Variants in HS1BP3 observed in about 807,000 individuals in gnomAD.
The protein encoded by HS1BP3 is HCLS1-binding protein 3.
A neutral mutation model predicts 33.5 loss-of-function variants in HS1BP3; 32 were observed. The ratio of observed to expected loss-of-function variants is 0.95; its 90% CI spans 0.72 to 1.28. The LOEUF (loss-of-function observed/expected upper bound fraction) is 1.28, where lower values mean the gene tolerates loss of function less well. Among genes scored for constraint, HS1BP3 ranks in the 50% most tolerant of loss-of-function variants. HS1BP3 has a pLI of 0.00. For missense variants in HS1BP3, 486 were observed against 502.3 expected (o/e 0.97, Z 0.31); for synonymous variants, 187 against 209.2 (o/e 0.89, Z 0.92).
intron 3 of HS1BP3, among the ~76,000 whole-genome samples, chr2:20,593,440 C>A (rs114790324): frequency 0.028 from 4,256 of 152,260 alleles, 195 homozygotes; most frequent in African/African-American, 0.098. Context: ...TTGACCTTGG[C>A]TGAATGAATG....
chr2:20,618,632 C>T lies in HS1BP3; in HGVS notation c.*355G>A, dbSNP rs143995184. 980 of 1,013,542 alleles carry T rather than the reference C, an allele frequency of 9.7e-4. 4 individuals carry two copies. In the African/African-American group the frequency reaches 0.015, roughly 15 times the overall value. The allele number at this position is 1,013,542 out of a possible 1,614,324, so 62.8% of individuals were successfully genotyped here. ...GGCAGAACCCGTGGGCATGAAGCTTCCCTGCCCCATGTGACACCTCGCTAC... is the reference window on the plus strand; with the variant it reads ...GGCAGAACCCGTGGGCATGAAGCTTTCCTGCCCCATGTGACACCTCGCTAC... On this transcript the variant is annotated 3_prime_UTR_variant, in exon 7 of 7. Coordinates refer to ENST00000304031, the MANE Select transcript of HS1BP3 (RefSeq NM_022460.4).
chr2:20,553,880 C>G, the HS1BP3 span, among the ~76,000 whole-genome samples: 2 of 152,116 alleles, frequency 1.3e-5, no homozygotes, highest in Admixed American at 1.3e-4. Context: ...GAGATCTTAC[C>G]TTTTGTGCAA....
intron 5 of HS1BP3, among the ~76,000 whole-genome samples, chr2:20,569,516 G>A: frequency 6.6e-6 from 1 of 152,166 alleles, no homozygotes; most frequent in Admixed American, 6.5e-5. Context: ...TTTAGTCTAA[G>A]TATTTCCCAG....
intron 3 of HS1BP3, among the ~76,000 whole-genome samples, chr2:20,595,476 G>A (rs1414814962): frequency 6.6e-6 from 1 of 152,204 alleles, no homozygotes; most frequent in Non-Finnish European, 1.5e-5. Context: ...GAAAGAGGGA[G>A]TTCCCCTGAG....
intron 2 of HS1BP3, among the ~76,000 whole-genome samples, chr2:20,600,552 A>G (rs7586090): frequency 0.95 from 144,184 of 152,256 alleles, 68,650 homozygotes; most frequent in East Asian, 1. Flanking sequence ...TTCAACAGAC[A>G]TTTGCGTAAC....
chr2:20,554,333 A>C, the HS1BP3 span, among the ~76,000 whole-genome samples: 3 of 152,338 alleles, frequency 2.0e-5, no homozygotes, highest in South Asian at 6.2e-4. Context: ...ATAGCCTGAC[A>C]CACGCTCCTA....
chr2:20,614,973 C>T (rs76146635), downstream of HS1BP3, among the ~76,000 whole-genome samples: 1,016 of 152,328 alleles, frequency 6.7e-3, 16 homozygotes, highest in African/African-American at 0.023. Flanking sequence ...TTCTGTGTGT[C>T]GCAGCGCCAG....
At position 20,622,225 on chromosome 2, in the gene HS1BP3, T is replaced by C. The variant is rs1694627596; in HGVS notation, c.920+1671A>G. On this transcript the variant is annotated intron_variant, in intron 6 of 6. Transcript: ENST00000304031. The stretch of plus-strand genomic sequence containing the variant: ...ATTCTTTATTATGAGGAAGTCCAAC[T>C]ACTCCCTGGATAGTCACAGGGCAGA... 2.3e-6 allele frequency: 3 copies of C among 1,298,944 alleles called. No homozygotes were observed. In the South Asian group the frequency reaches 3.7e-5, roughly 16 times the overall value. The allele number at this position is 1,298,944 out of a possible 1,614,324, so 80.5% of individuals were successfully genotyped here. A position where few individuals can be genotyped will look rare whatever the true frequency, so the allele number is the denominator to read the frequency against.
chr2:20,624,908 C>A lies in HS1BP3; in HGVS notation c.624-16G>T, dbSNP rs752001829. The A allele has an allele frequency of 3.1e-6, 5 of 1,613,134 alleles. No homozygotes were observed. The highest frequency in any genetic ancestry group is 4.2e-6 in the Non-Finnish European group (5 of 1,179,928). ...CTTCTTGGAGCTGGAGAATCACAGA[C>A]AAAGCACAAGGTGAGGATTTCCCAC... On this transcript the variant is annotated splice_polypyrimidine_tract_variant and intron_variant, in intron 4 of 6. Transcript: ENST00000304031.
downstream of HS1BP3, among the ~76,000 whole-genome samples, chr2:20,613,530 C>T (rs1206731055): frequency 6.6e-6 from 1 of 152,334 alleles, no homozygotes; most frequent in East Asian, 1.9e-4. Flanking sequence ...TGCCCGCCTG[C>T]CAGCCAGGAT....
chr2:20,616,068 C>T (rs62125675), downstream of HS1BP3, among the ~76,000 whole-genome samples: 9,918 of 152,296 alleles, frequency 0.065, 387 homozygotes, highest in African/African-American at 0.11. Flanking sequence ...ATAGACAGTA[C>T]ATCCTGTCCA....
chr2:20,581,329 A>C (rs1358304888), intron 5 of HS1BP3, among the ~76,000 whole-genome samples: 2 of 152,180 alleles, frequency 1.3e-5, no homozygotes, highest in African/African-American at 4.8e-5. Flanking sequence ...AGCTTAAAAC[A>C]ACAAATATTT....
chr2:20,585,639 C>T (rs768867450), intron 5 of HS1BP3, among the ~76,000 whole-genome samples: 5 of 152,214 alleles, frequency 3.3e-5, no homozygotes, highest in Non-Finnish European at 5.9e-5. Flanking sequence ...TCCATTGCTT[C>T]ATGCTTTGAA....
chr2:20,597,980 A>G (rs16987878), intron 3 of HS1BP3, among the ~76,000 whole-genome samples: 14,021 of 152,172 alleles, frequency 0.092, 650 homozygotes, highest in South Asian at 0.19. Flanking sequence ...GAGGAGGGAC[A>G]ATCCTGGCTG....
At chr2:20,578,409 C>G (rs934816116) in intron 5 of HS1BP3, among the ~76,000 whole-genome samples, 1 of 152,188 alleles carries the variant, frequency 6.6e-6, no homozygotes, top group Non-Finnish European at 1.5e-5. Context: ...AAGTTGCTCA[C>G]CATGGTAACC....
intron 2 of HS1BP3, among the ~76,000 whole-genome samples, chr2:20,600,558 G>A (rs911195502): frequency 2.6e-5 from 4 of 152,258 alleles, no homozygotes; most frequent in East Asian, 3.9e-4. Flanking sequence ...AGACATTTGC[G>A]TAACACACAG....
intron 4 of HS1BP3, among the ~76,000 whole-genome samples, chr2:20,626,827 C>T (rs1216151310): frequency 6.6e-6 from 1 of 152,178 alleles, no homozygotes; most frequent in Non-Finnish European, 1.5e-5. Flanking sequence ...AGCTTCTGCT[C>T]CTCTGAGACC....
rs147459359 is a variant in HS1BP3, at chr2:20,649,360, T to C, written c.32+1672A>G. ...TCATGGCTCTCTCCCTCATGGAGCT[T>C]GTCCGGGATCTGTCCAGGCGCCACT... On this transcript the variant is annotated intron_variant, in intron 1 of 6. Transcript: ENST00000304031. Among the ~76,000 whole-genome samples the C allele has an allele frequency of 3.6e-4, 55 of 152,332 alleles. 1 individual carries two copies. The highest frequency in any genetic ancestry group is 1.3e-3 in the African/African-American group (52 of 41,570).
At chr2:20,571,591 G>T (rs1693275940) in intron 5 of HS1BP3, among the ~76,000 whole-genome samples, 1 of 152,202 alleles carries the variant, frequency 6.6e-6, no homozygotes. Flanking sequence ...CCTGGTATTG[G>T]TCCTCCTGAG....
Sources: allele counts gnomAD v4.1 joint callset (sites outside exome capture counted in the v4.1 genomes callset), GRCh38; gene constraint gnomAD v4.1.1; transcripts MANE v1.5; gene names NCBI Gene and HGNC (gene_info 2026-07-23, HGNC 2026-07-21).